The following ZNF610 variants were observed in gnomAD, a reference collection of about 807,000 sequenced individuals.
ZNF610 encodes zink finger protein.
In ZNF610, 14 loss-of-function variants were observed where a neutral mutation model predicts 14.1. The ratio of observed to expected loss-of-function variants is 0.99; its 90% confidence interval spans 0.65 to 1.55. The LOEUF (loss-of-function observed/expected upper bound fraction) is 1.55. Ranked by LOEUF, ZNF610 falls within the 40% of genes most tolerant of loss-of-function variation. ZNF610 has a pLI of 0.00. For missense variants in ZNF610, 530 were observed against 558.0 expected (o/e 0.95, Z 0.51); for synonymous variants, 185 against 187.6 (o/e 0.99, Z 0.11).
chr19:52,366,664 A>C lies in ZNF610; in HGVS notation c.1286A>C (p.Lys429Thr). 2 of 1,614,242 alleles carry C rather than the reference A, an allele frequency of 1.2e-6. No homozygotes were observed. The highest frequency in any genetic ancestry group is 1.7e-6 in the Non-Finnish European group (2 of 1,180,040). ...ATTCATACTGGAGAGAGACCTTACA[A>C]GTGTAATGCATGTGGCAAGGTCTTC... The part of the protein sequence containing the change: ...QRIHTGERPY[K>T]CNACGKVFNQ... The change falls in exon 6 of 6, where the codon AAG (lysine) becomes ACG (threonine). Residue 429 changes from lysine (K) to threonine (T), a missense_variant. Coordinates refer to ENST00000403906, the MANE Select transcript of ZNF610 (RefSeq NM_001161425.2).
chr19:52,335,457 G>T (rs1157158698), upstream of ZNF610, among the ~76,000 whole-genome samples: 1 of 152,140 alleles, frequency 6.6e-6, no homozygotes, highest in Non-Finnish European at 1.5e-5. Context: ...CGGATTCCCA[G>T]GTTGGCCTTA....
chr19:52,340,560 T>C (rs543460160), intron 1 of ZNF610, among the ~76,000 whole-genome samples: 1 of 152,264 alleles, frequency 6.6e-6, no homozygotes, highest in East Asian at 1.9e-4. Flanking sequence ...CTGTCCCTGC[T>C]CCTGGCTGCT....
At position 52,336,245 on chromosome 19, in the gene ZNF610, A is replaced by T. The variant is rs919121779; in HGVS notation, c.-519A>T. The T allele has an allele frequency of 3.9e-6, 1 of 256,412 alleles. No homozygotes were observed. The allele number at this position is 256,412 out of a possible 1,614,324, so 15.9% of individuals were successfully genotyped here. On this transcript the variant is annotated 5_prime_UTR_variant, in exon 1 of 6. Coordinates refer to ENST00000403906, the MANE Select transcript of ZNF610 (RefSeq NM_001161425.2). ...ATGCTGCGCGCGCGCAGTTTTTTGC[A>T]GACCCGGAAGCGGATCGCGTGGGTA...
Position 52,349,201 on chromosome 19 carries a change from G to A in ZNF610, c.29G>A (p.Arg10Lys), listed in dbSNP as rs1041595542. 1.9e-6 allele frequency: 3 copies of A among 1,613,426 alleles called. No individual in the cohort carries two copies. The highest frequency in any genetic ancestry group is 2.2e-5 in the East Asian group (1 of 44,814). ...CTATGTGATGAAGAAGCCCAGAAGA[G>A]GAAAGCAAAGGAGTCAGGGATGGCT... MLCDEEAQKRKAKESGMALP... is the reference protein window; with the variant it reads MLCDEEAQKKKAKESGMALP... The change falls in exon 3 of 6, where the codon AGG becomes AAG. Residue 10 changes from arginine to lysine, a missense_variant. Coordinates refer to ENST00000403906, the MANE Select transcript of ZNF610 (RefSeq NM_001161425.2).
At chr19:52,360,472 C>T (rs1985723964) in intron 5 of ZNF610, among the ~76,000 whole-genome samples, 1 of 152,140 alleles carries the variant, frequency 6.6e-6, no homozygotes, top group African/African-American at 2.4e-5. Context: ...CATGGGCTTT[C>T]TTTTTATTTT....
intron 2 of ZNF610, among the ~76,000 whole-genome samples, chr19:52,348,932 G>T (rs140184431): frequency 1.3e-5 from 2 of 152,154 alleles, no homozygotes; most frequent in South Asian, 4.1e-4. Flanking sequence ...CTGCTGTAGC[G>T]TGTGTGCGGG....
At chr19:52,359,004 A>G (rs1169120140) in intron 5 of ZNF610, among the ~76,000 whole-genome samples, 2 of 152,212 alleles carry the variant, frequency 1.3e-5, no homozygotes, top group African/African-American at 4.8e-5. Flanking sequence ...CCATTGGCTT[A>G]TATGTCTGCC....
At chr19:52,361,158 A>G (rs1279476275) in intron 5 of ZNF610, among the ~76,000 whole-genome samples, 1 of 150,092 alleles carries the variant, frequency 6.7e-6, no homozygotes, top group Non-Finnish European at 1.5e-5. Context: ...TTGTTGGGAC[A>G]CAGTTGTACA....
Position 52,357,635 on chromosome 19 carries a change from C to A in ZNF610, c.319+3256C>A, listed in dbSNP as rs572542168. Among the ~76,000 whole-genome samples, 97 of 112,248 alleles carry A rather than the reference C, an allele frequency of 8.6e-4. No individual in the cohort carries two copies. The South Asian group carries it at 0.022, about 26-fold the overall frequency. The allele number at this position is 112,248 out of a possible 152,430, so 73.6% of individuals were successfully genotyped here. A position where few individuals can be genotyped will look rare whatever the true frequency, so the allele number is the denominator to read the frequency against. Reference sequence around the variant, plus strand: ...ACTCCAGCCTGGGAGATAGAGCGAGCCTCCATCTCAAAAAAAAAAAAAAAA... The same window carrying A: ...ACTCCAGCCTGGGAGATAGAGCGAGACTCCATCTCAAAAAAAAAAAAAAAA... On this transcript the variant is annotated intron_variant, in intron 5 of 5. Transcript: ENST00000403906.
intron 5 of ZNF610, 55 bp from the exon 6 acceptor site, chr19:52,365,643 G>A (rs1600242130): frequency 6.7e-7 from 1 of 1,483,444 alleles, no homozygotes; most frequent in East Asian, 2.3e-5. Flanking sequence ...CCCTCCACCA[G>A]ACGGTAAACA....
intron 1 of ZNF610, among the ~76,000 whole-genome samples, chr19:52,344,835 C>T (rs373068084): frequency 3.2e-4 from 49 of 152,162 alleles, no homozygotes; most frequent in Admixed American, 2.8e-3. Flanking sequence ...CAGGCTGGAA[C>T]GCAGTGGTGC....
intron 5 of ZNF610, among the ~76,000 whole-genome samples, chr19:52,361,216 T>G (rs2122278384): frequency 6.6e-6 from 1 of 151,806 alleles, no homozygotes; most frequent in Admixed American, 6.6e-5. Context: ...CTCGCTCTTG[T>G]TGCCCAGGCT....
At chr19:52,333,471 T>C (rs321927), upstream of ZNF610, among the ~76,000 whole-genome samples, 16,920 of 152,212 alleles carry the variant, frequency 0.11, 1,689 homozygotes, top group African/African-American at 0.27. Context: ...GGGCAGCCCG[T>C]AGCAAAATTT....
intron 5 of ZNF610, 41 bp downstream of exon 5, chr19:52,354,420 T>C (rs1275621547): frequency 6.3e-7 from 1 of 1,591,728 alleles, no homozygotes; most frequent in African/African-American, 1.4e-5. Flanking sequence ...ATAGTTTTTA[T>C]TTTTTTATTT....
intron 1 of ZNF610, among the ~76,000 whole-genome samples, chr19:52,338,009 A>G (rs1427064419): frequency 6.9e-6 from 1 of 145,812 alleles, no homozygotes; most frequent in African/African-American, 2.8e-5. Flanking sequence ...TGGTCACCAA[A>G]ATGTGTTGGG....
chr19:52,363,578 A>T (rs936681280), intron 5 of ZNF610, among the ~76,000 whole-genome samples: 26 of 152,116 alleles, frequency 1.7e-4, no homozygotes, highest in African/African-American at 6.3e-4. Context: ...TAGTTGTTAT[A>T]TCTTCTTGGT....
At chr19:52,331,729 GCTGA>G (rs1246213945), upstream of ZNF610, among the ~76,000 whole-genome samples, 1 of 152,102 alleles carries the variant, frequency 6.6e-6, no homozygotes, top group Non-Finnish European at 1.5e-5. Context: ...GAACCAAACG[GCTGA>G]CTGACAATTA....
At chr19:52,332,156 A>G (rs1018030401), upstream of ZNF610, among the ~76,000 whole-genome samples, 1 of 152,218 alleles carries the variant, frequency 6.6e-6, no homozygotes, top group Non-Finnish European at 1.5e-5. This position sits in a 1 kb window ranked among gnomAD's most constrained non-coding sequence, Gnocchi z 4.1. Context: ...GGGAATGGGA[A>G]GTTTTCTGAA....
intron 1 of ZNF610, among the ~76,000 whole-genome samples, chr19:52,340,238 G>C (rs757118347): frequency 6.6e-6 from 1 of 152,104 alleles, no homozygotes; most frequent in Non-Finnish European, 1.5e-5. Flanking sequence ...TAAAAAATTA[G>C]CTGGGCGTAG....
Sources: gnomAD v4.1 joint callset for allele counts (sites outside exome capture counted in the v4.1 genomes callset) on GRCh38, gnomAD v4.1.1 for gene constraint, Gnocchi (gnomAD v3.1) non-coding constraint, MANE v1.5 for transcripts, NCBI Gene and HGNC (gene_info 2026-07-23, HGNC 2026-07-21) for gene names.